The following FSTL4 variants were observed in gnomAD, a reference collection of about 807,000 sequenced individuals.
FSTL4 encodes follistatin like 4, also known as follistatin-related protein 4.
Under a neutral mutation model 78.2 loss-of-function variants are expected in FSTL4, and 28 were observed. The observed-to-expected ratio is 0.36, with a 90% CI of 0.27 to 0.49. The LOEUF is 0.49. Ranked by LOEUF, FSTL4 falls within the 20% of genes least tolerant of loss-of-function variation. FSTL4 has a pLI of 0.98. For missense variants in FSTL4, 922 were observed against 1,084.9 expected, an observed-to-expected ratio of 0.85 and a Z score of 2.11; for synonymous variants, 422 against 440.5, an observed-to-expected ratio of 0.96 and a Z score of 0.53.
rs1406698362 is a variant in FSTL4, at chr5:133,338,389, G to A, written c.410-21737C>T. The stretch of plus-strand genomic sequence containing the variant: ...CATCTTCCCACCCTGGTGTTCTCAG[G>A]CCCTTTTAAAGGTGGTCGTTGCTGA... On this transcript the variant is annotated intron_variant, in intron 4 of 15. Coordinates refer to ENST00000265342, the MANE Select transcript of FSTL4 (RefSeq NM_015082.2). This position sits in a 1 kb window ranked among gnomAD's most constrained non-coding sequence, Gnocchi z 4.0. 6.6e-6 allele frequency among the ~76,000 whole-genome samples: 1 copy of A among 152,110 alleles called. No individual in the cohort carries two copies. The highest frequency in any genetic ancestry group is 1.5e-5 in the Non-Finnish European group (1 of 68,006).
chr5:133,778,984 G>C, the FSTL4 span, among the ~76,000 whole-genome samples: 1 of 152,214 alleles, frequency 6.6e-6, no homozygotes, highest in Non-Finnish European at 1.5e-5. Context: ...TTCAGAGGAA[G>C]GTTACTTCTT....
chr5:133,454,037 C>T (rs1231545844), intron 3 of FSTL4, among the ~76,000 whole-genome samples: 1 of 152,096 alleles, frequency 6.6e-6, no homozygotes, highest in Non-Finnish European at 1.5e-5. Context: ...ATTTATCTAG[C>T]TGAGCCATGA....
chr5:133,335,297 C>T (rs148906724), intron 4 of FSTL4, among the ~76,000 whole-genome samples: 2,480 of 152,278 alleles, frequency 0.016, 27 homozygotes, highest in Non-Finnish European at 0.021. Flanking sequence ...ACAGGCCATG[C>T]CCTGGCCTCG....
the FSTL4 span, among the ~76,000 whole-genome samples, chr5:133,777,153 G>C: frequency 6.6e-6 from 1 of 152,064 alleles, no homozygotes; most frequent in East Asian, 1.9e-4. Context: ...CTTTTAAAAT[G>C]AGAAGGAAAA....
At chr5:133,445,504 C>T (rs552663356) in intron 3 of FSTL4, among the ~76,000 whole-genome samples, 308 of 152,348 alleles carry the variant, frequency 2.0e-3, no homozygotes, top group Middle Eastern at 0.01. Context: ...TGACACCTGG[C>T]TGCAGTGCTG....
chr5:133,620,571 AAC>A, the FSTL4 span, among the ~76,000 whole-genome samples: 1 of 152,322 alleles, frequency 6.6e-6, no homozygotes, highest in South Asian at 2.1e-4. Context: ...CTAGTCTTTA[AAC>A]ACAGCCTATT....
At chr5:133,454,687 C>A (rs773215517) in intron 3 of FSTL4, among the ~76,000 whole-genome samples, 2 of 152,216 alleles carry the variant, frequency 1.3e-5, no homozygotes, top group Non-Finnish European at 2.9e-5. Flanking sequence ...ATGGCTGCCC[C>A]GCTCTGTGAT....
chr5:133,601,785 G>T (rs1285646927), intron 2 of FSTL4, among the ~76,000 whole-genome samples: 2 of 151,710 alleles, frequency 1.3e-5, no homozygotes, highest in Non-Finnish European at 2.9e-5. Context: ...CCAGGCTCAG[G>T]TGGTACTGCC....
chr5:133,203,627 A>AACTC (rs1430457721), intron 14 of FSTL4, among the ~76,000 whole-genome samples: 6 of 152,138 alleles, frequency 3.9e-5, no homozygotes, highest in Non-Finnish European at 7.4e-5. Flanking sequence ...CATAGGAAAA[A>AACTC]ACTCATAGAA....
intron 1 of FSTL4, among the ~76,000 whole-genome samples, chr5:133,607,215 T>C (rs763302767): frequency 5.3e-5 from 8 of 152,220 alleles, no homozygotes; most frequent in Non-Finnish European, 8.8e-5. Context: ...TACTTAACGG[T>C]GATTGACAAT....
At chr5:133,395,150 C>T (rs1028030735) in intron 4 of FSTL4, among the ~76,000 whole-genome samples, 5 of 152,164 alleles carry the variant, frequency 3.3e-5, no homozygotes, top group Non-Finnish European at 5.9e-5. Flanking sequence ...TAAAAGCAGG[C>T]TGCCCCAGCC....
chr5:133,356,264 A>G (rs1211175013), intron 4 of FSTL4, among the ~76,000 whole-genome samples: 1 of 152,340 alleles, frequency 6.6e-6, no homozygotes, highest in South Asian at 2.1e-4. Flanking sequence ...GTCATCACCA[A>G]TCAGCCCCTT....
At chr5:133,357,275 T>C (rs1468302330) in intron 4 of FSTL4, among the ~76,000 whole-genome samples, 1 of 152,160 alleles carries the variant, frequency 6.6e-6, no homozygotes, top group Non-Finnish European at 1.5e-5. Context: ...TGCCCTGCCC[T>C]GCCCCTAGGA....
chr5:133,429,977 C>CAA (rs574371264), intron 3 of FSTL4, among the ~76,000 whole-genome samples: 207 of 152,348 alleles, frequency 1.4e-3, no homozygotes, highest in African/African-American at 4.8e-3. Context: ...ACACACACTG[C>CAA]ATACTATGAG....
the FSTL4 span, among the ~76,000 whole-genome samples, chr5:133,792,746 T>C: frequency 1.3e-5 from 2 of 152,182 alleles, no homozygotes; most frequent in Non-Finnish European, 2.9e-5. Flanking sequence ...AGGAGAGGAA[T>C]TATATTAAAT....
chr5:133,795,571 T>C, the FSTL4 span, among the ~76,000 whole-genome samples: 3 of 152,190 alleles, frequency 2.0e-5, no homozygotes, highest in Non-Finnish European at 4.4e-5. Context: ...CGGAAAGCTT[T>C]GGAATGCTGA....
At chr5:133,639,033 A>T in the FSTL4 span, among the ~76,000 whole-genome samples, 3 of 152,166 alleles carry the variant, frequency 2.0e-5, no homozygotes, top group South Asian at 4.2e-4. Context: ...TTACATTGGT[A>T]TACATGTGCC....
intron 2 of FSTL4, among the ~76,000 whole-genome samples, chr5:133,596,761 C>T (rs1418913503): frequency 6.6e-6 from 1 of 152,222 alleles, no homozygotes; most frequent in Non-Finnish European, 1.5e-5. Flanking sequence ...AACCCCTGTG[C>T]AAGATCAAAC....
At chr5:133,741,920 A>C in the FSTL4 span, among the ~76,000 whole-genome samples, 2 of 152,162 alleles carry the variant, frequency 1.3e-5, no homozygotes, top group Non-Finnish European at 2.9e-5. Flanking sequence ...TTGGTTTCTC[A>C]CCACTTTGAA....
Sources: allele counts gnomAD v4.1 joint callset (sites outside exome capture counted in the v4.1 genomes callset), GRCh38; gene constraint gnomAD v4.1.1; non-coding constraint Gnocchi (gnomAD v3.1); transcripts MANE v1.5; gene names NCBI Gene and HGNC (gene_info 2026-07-23, HGNC 2026-07-21).